The following ZNF131 variants were observed in gnomAD, a reference collection of about 807,000 sequenced individuals.
ZNF131 encodes the protein zinc finger and BTB domain containing 35.
In ZNF131, 7 loss-of-function variants were observed where a neutral mutation model predicts 60.0. The ratio of observed to expected loss-of-function variants is 0.12; its 90% CI spans 0.07 to 0.22. The LOEUF is 0.22. ZNF131 is among the 10% of genes least tolerant of loss of function. The pLI is 1.00. For synonymous variants in ZNF131, 257 were observed against 253.2 expected (o/e 1.01, Z -0.14); for missense variants, 493 against 740.9 (o/e 0.67, Z 3.88).
At chr5:43,122,612 C>G (rs1442440004) in intron 2 of ZNF131, among the ~76,000 whole-genome samples, 2 of 152,034 alleles carry the variant, frequency 1.3e-5, no homozygotes, top group Non-Finnish European at 2.9e-5. Context: ...GCACTCATAC[C>G]CCCTTTGAGA....
chr5:43,141,628 C>T (rs1746833839), intron 4 of ZNF131, among the ~76,000 whole-genome samples: 1 of 151,966 alleles, frequency 6.6e-6, no homozygotes, highest in African/African-American at 2.4e-5. Context: ...AATTAGCTGG[C>T]ACTGTGGCGT....
Position 43,144,273 on chromosome 5 carries a change from C to T in ZNF131, c.371+4964C>T, listed in dbSNP as rs1747297393. 3.7e-5 allele frequency among the ~76,000 whole-genome samples: 3 copies of T among 80,752 alleles called. No homozygotes were observed. In the Admixed American group the frequency reaches 6.0e-4, roughly 16 times the overall value. The allele number at this position is 80,752 out of a possible 152,430, so 53.0% of individuals were successfully genotyped here. The stretch of plus-strand genomic sequence containing the variant: ...TTTTTTTTTTTTTTTTTTTTGGAGA[C>T]AGAGCTTTGTGTTGGCACGATCCTG... On this transcript the variant is annotated intron_variant, in intron 4 of 6. Coordinates refer to ENST00000682664, the MANE Select transcript of ZNF131 (RefSeq NM_001330707.2).
chr5:43,175,374 T>C lies in ZNF131; in HGVS notation c.*241T>C. 1 of 678,394 alleles carries C rather than the reference T, an allele frequency of 1.5e-6. No homozygotes were observed. Among genetic ancestry groups the C allele is most frequent in the East Asian group, 2.7e-5 (1 of 37,110 alleles). 42.0% of individuals were successfully genotyped at this position (678,394 alleles called of 1,614,324 possible). A position where few individuals can be genotyped will look rare whatever the true frequency, so the allele number is the denominator to read the frequency against. ...AGAAGTATATTTCTGGAAACTTAAA[T>C]GGATTATATTCTTATTATATAGTTG... is the stretch of plus-strand genomic sequence containing the variant. On this transcript the variant is annotated 3_prime_UTR_variant, in exon 7 of 7. Transcript: ENST00000682664.
intron 5 of ZNF131, among the ~76,000 whole-genome samples, chr5:43,166,501 C>T (rs1750370890): frequency 6.6e-6 from 1 of 151,228 alleles, no homozygotes. Flanking sequence ...GCTGGGACTA[C>T]AGGTGCCCGC....
intron 3 of ZNF131, among the ~76,000 whole-genome samples, chr5:43,130,012 T>TA (rs1745092620): frequency 6.8e-6 from 1 of 147,998 alleles, no homozygotes; most frequent in Non-Finnish European, 1.5e-5. Context: ...ATGCCTGTAA[T>TA]CCCAGCACTT....
intron 4 of ZNF131, among the ~76,000 whole-genome samples, chr5:43,158,991 G>A (rs1749306044): frequency 6.6e-6 from 1 of 152,152 alleles, no homozygotes; most frequent in South Asian, 2.1e-4. Context: ...GAGTCAGAAA[G>A]AAAGGACCTT....
Position 43,175,694 on chromosome 5 carries a change from G to T in ZNF131, c.*561G>T. ...ATGCCATCTTTGCAACAGAAAGAGT[G>T]GTGGTGGCAAAATTTCTAGAATGTT... On this transcript the variant is annotated 3_prime_UTR_variant, in exon 7 of 7. Coordinates refer to ENST00000682664, the MANE Select transcript of ZNF131 (RefSeq NM_001330707.2). 2.7e-6 allele frequency: 1 copy of T among 376,610 alleles called. No homozygotes were observed. The highest frequency in any genetic ancestry group is 4.7e-6 in the Non-Finnish European group (1 of 213,414). The allele number at this position is 376,610 out of a possible 1,614,324, so 23.3% of individuals were successfully genotyped here.
chr5:43,140,962 G>A (rs1270379534), intron 4 of ZNF131, among the ~76,000 whole-genome samples: 7 of 151,998 alleles, frequency 4.6e-5, no homozygotes, highest in African/African-American at 7.2e-5. Context: ...TAAGTGATCC[G>A]CCTGTCTCAG....
rs1163433325 is a variant in ZNF131, at chr5:43,121,046, C to T, written c.-93C>T. The T allele has an allele frequency of 6.6e-6, 1 of 152,116 alleles. No individual in the cohort carries two copies. Among genetic ancestry groups the T allele is most frequent in the Admixed American group, 6.6e-5 (1 of 15,246 alleles). 9.4% of individuals were successfully genotyped at this position (152,116 alleles called of 1,614,324 possible). On this transcript the variant is annotated 5_prime_UTR_variant, in exon 1 of 7. Transcript: ENST00000682664. ...TAGGGGTCAGGAAAGGCGTGGGGCG[C>T]ATTATGCCCTGGGAGGGGAAAGCAC...
At chr5:43,158,941 CCA>C (rs1749300287) in intron 4 of ZNF131, among the ~76,000 whole-genome samples, 1 of 151,930 alleles carries the variant, frequency 6.6e-6, no homozygotes, top group Admixed American at 6.6e-5. Context: ...AGTTTTCCTG[CCA>C]CAGTGTCATG....
Position 43,161,019 on chromosome 5 carries a change from C to T in ZNF131, c.372-230C>T, listed in dbSNP as rs75634501. Among the ~76,000 whole-genome samples, 23 of 152,170 alleles carry T rather than the reference C, an allele frequency of 1.5e-4. No individual in the cohort carries two copies. The East Asian group carries it at 3.3e-3, about 22-fold the overall frequency. Reference sequence around the variant, plus strand: ...CCCCCATAAAAATCAGTTGACTAAGCGTGGGTCTATTTCCATGGACTTTAT... The same window carrying T: ...CCCCCATAAAAATCAGTTGACTAAGTGTGGGTCTATTTCCATGGACTTTAT... On this transcript the variant is annotated intron_variant, in intron 4 of 6. Transcript: ENST00000682664.
At chr5:43,160,222 G>C (rs1295540026) in intron 4 of ZNF131, among the ~76,000 whole-genome samples, 4 of 150,852 alleles carry the variant, frequency 2.7e-5, no homozygotes, top group Non-Finnish European at 5.9e-5. Flanking sequence ...AAATCTGTCA[G>C]CTGGGCACAG....
chr5:43,136,644 CTTTTTCTTTTTTT>C (rs1188606068), intron 3 of ZNF131, among the ~76,000 whole-genome samples: 1 of 126,342 alleles, frequency 7.9e-6, no homozygotes, highest in African/African-American at 2.8e-5. Context: ...TTTCTTTTTT[CTTTTTCTTTTTTT>C]TTTTTTTTTA....
At chr5:43,143,540 T>A in intron 4 of ZNF131, 2 of 557,400 alleles carry the variant, frequency 3.6e-6, no homozygotes, top group Non-Finnish European at 5.5e-6. Context: ...TTGTTGTTAC[T>A]GGTTTAGTGA....
intron 1 of ZNF131, 132 bp from the exon 2 acceptor site, chr5:43,121,905 CTT>C: frequency 9.8e-7 from 1 of 1,020,260 alleles, no homozygotes; most frequent in African/African-American, 1.7e-5. Context: ...CTTCCCTCGC[CTT>C]TCTCTCCTCT....
At chr5:43,173,522 C>T in intron 6 of ZNF131, 74 bp downstream of exon 6, 1 of 1,534,206 alleles carries the variant, frequency 6.5e-7, no homozygotes, top group South Asian at 1.3e-5. Flanking sequence ...CAAAGGGAAA[C>T]AGAGTCTCAA....
chr5:43,132,456 G>A (rs967538307), intron 3 of ZNF131, among the ~76,000 whole-genome samples: 2 of 151,458 alleles, frequency 1.3e-5, no homozygotes, highest in Non-Finnish European at 2.9e-5. Flanking sequence ...CTCAGTTCAT[G>A]GAAGAGCTGT....
intron 3 of ZNF131, among the ~76,000 whole-genome samples, chr5:43,128,473 G>A (rs1173298675): frequency 3.3e-5 from 5 of 151,962 alleles, no homozygotes; most frequent in Admixed American, 6.6e-5. Context: ...GGCTGACAGA[G>A]TGAAACCCCG....
intron 3 of ZNF131, among the ~76,000 whole-genome samples, chr5:43,126,512 T>C (rs1579705967): frequency 6.6e-6 from 1 of 152,178 alleles, no homozygotes; most frequent in African/African-American, 2.4e-5. Flanking sequence ...TTAGAGGACG[T>C]TTCTTCTCTC....
Sources: gnomAD v4.1 joint callset for allele counts (sites outside exome capture counted in the v4.1 genomes callset) on GRCh38, gnomAD v4.1.1 for gene constraint, MANE v1.5 for transcripts, NCBI Gene and HGNC (gene_info 2026-07-23, HGNC 2026-07-21) for gene names.